OTOGL: variants seen among roughly 807,000 people sequenced by gnomAD.
OTOGL encodes the protein otogelin like.
OTOGL carries 285 observed loss-of-function variants against 318.5 expected under a neutral mutation model. The observed-to-expected ratio is 0.89, with a 90% CI of 0.81 to 0.99. The LOEUF (loss-of-function observed/expected upper bound fraction) is 0.99. Ranked by LOEUF, OTOGL falls within the 50% of genes least tolerant of loss-of-function variation. The pLI is 0.00. For synonymous variants in OTOGL, 987 were observed against 936.5 expected (o/e 1.05, Z -0.99); for missense variants, 2,899 against 2,845.6 (o/e 1.02, Z -0.43).
At chr12:80,241,248 A>G (rs993006858) in intron 11 of OTOGL, among the ~76,000 whole-genome samples, 3 of 152,126 alleles carry the variant, frequency 2.0e-5, no homozygotes, top group Non-Finnish European at 4.4e-5. Context: ...CTTATTTGTG[A>G]CATCTCTTAC....
chr12:80,235,467 CAAAA>C (rs10600987), intron 9 of OTOGL, among the ~76,000 whole-genome samples: 14 of 86,952 alleles, frequency 1.6e-4, no homozygotes, highest in Middle Eastern at 5.1e-3. Context: ...GACTCTGTCT[CAAAA>C]AAAAAAAAAA....
Position 80,194,349 on chromosome 12 carries a change from A to G in OTOGL, c.-19-15064A>G, listed in dbSNP as rs1190558617. Among the ~76,000 whole-genome samples, 3 of 152,188 alleles carry G rather than the reference A, an allele frequency of 2.0e-5. No individual in the cohort carries two copies. In the South Asian group the frequency reaches 6.2e-4, roughly 32 times the overall value. The stretch of plus-strand genomic sequence containing the variant: ...TCCCCTTTTTGCTTAATGCTTGGGC[A>G]GAGTTAGTTTCTTCCGATACTTGCA... On this transcript the variant is annotated intron_variant, in intron 1 of 58. Coordinates refer to ENST00000547103, the MANE Select transcript of OTOGL (RefSeq NM_001378609.3).
intron 34 of OTOGL, among the ~76,000 whole-genome samples, chr12:80,322,412 G>C (rs536359058): frequency 6.6e-6 from 1 of 152,246 alleles, no homozygotes; most frequent in South Asian, 2.1e-4. Context: ...ATCTTTGTGG[G>C]CTTCTGAAAC....
At chr12:80,184,242 A>T (rs1303378402) in intron 1 of OTOGL, among the ~76,000 whole-genome samples, 1 of 152,244 alleles carries the variant, frequency 6.6e-6, no homozygotes, top group African/African-American at 2.4e-5. Flanking sequence ...GCAATGAGTT[A>T]TCAGGCTAGA....
chr12:80,363,702 T>C (rs1301894244), intron 52 of OTOGL, among the ~76,000 whole-genome samples: 2 of 152,144 alleles, frequency 1.3e-5, no homozygotes, highest in African/African-American at 4.8e-5. Flanking sequence ...GTAACCAGCC[T>C]CATTCAGAGC....
At chr12:80,317,952 A>C (rs995776095) in intron 32 of OTOGL, among the ~76,000 whole-genome samples, 145 of 152,098 alleles carry the variant, frequency 9.5e-4, no homozygotes, top group African/African-American at 3.3e-3. Flanking sequence ...CATAGTTTAT[A>C]AGGGTCCCCA....
Position 80,328,727 on chromosome 12 carries a change from G to A in OTOGL, c.4262G>A (p.Cys1421Tyr). ...NMILDEVTLK[C>Y]VYPRDCIPVI... ...ATCCTTGATGAGGTCACCCTCAAGTGTGTTTATCCACGAGACTGTAAGTGT... is the reference window on the plus strand; with the variant it reads ...ATCCTTGATGAGGTCACCCTCAAGTATGTTTATCCACGAGACTGTAAGTGT... Residue 1421 changes from cysteine to tyrosine, a missense_variant, in exon 36 of 59, where the codon TGT (cysteine) becomes TAT (tyrosine). By Grantham distance (194) the Cys-to-Tyr change is radical. Transcript: ENST00000547103. The A allele has an allele frequency of 3.7e-6, 6 of 1,601,568 alleles. No homozygotes were observed. Among genetic ancestry groups the A allele is most frequent in the Non-Finnish European group, 5.1e-6 (6 of 1,168,786 alleles).
chr12:80,348,297 A>G (rs1030149772), intron 44 of OTOGL, among the ~76,000 whole-genome samples: 4 of 152,122 alleles, frequency 2.6e-5, no homozygotes, highest in East Asian at 3.8e-4. Flanking sequence ...TAATTTTTAT[A>G]TAAGGTGTAA....
intron 37 of OTOGL, among the ~76,000 whole-genome samples, chr12:80,329,836 A>G (rs1391038912): frequency 6.6e-6 from 1 of 152,184 alleles, no homozygotes; most frequent in Non-Finnish European, 1.5e-5. Context: ...CTCAGTGAGG[A>G]GATATGATAA....
intron 1 of OTOGL, among the ~76,000 whole-genome samples, chr12:80,122,830 G>A (rs1870565417): frequency 6.6e-6 from 1 of 152,092 alleles, no homozygotes; most frequent in Admixed American, 6.6e-5. Context: ...GTTTCCAAAT[G>A]CAGAAATCTA....
At chr12:80,108,005 A>G (rs1402819678) in intron 1 of OTOGL, among the ~76,000 whole-genome samples, 1 of 152,080 alleles carries the variant, frequency 6.6e-6, no homozygotes, top group African/African-American at 2.4e-5. Flanking sequence ...TACTATGTTT[A>G]TTACCCACAT....
At chr12:80,251,460 A>G (rs532157098) in intron 11 of OTOGL, among the ~76,000 whole-genome samples, 3 of 152,342 alleles carry the variant, frequency 2.0e-5, no homozygotes, top group African/African-American at 7.2e-5. Flanking sequence ...TAAAATTATT[A>G]AAATGCTTTG....
chr12:80,188,287 C>A (rs962766419), intron 1 of OTOGL, among the ~76,000 whole-genome samples: 7 of 152,018 alleles, frequency 4.6e-5, no homozygotes, highest in Non-Finnish European at 1.0e-4. Context: ...TGCCTGTAAT[C>A]CCAGCACTTT....
chr12:80,306,912 T>A (rs1886158180), intron 29 of OTOGL, among the ~76,000 whole-genome samples: 2 of 150,748 alleles, frequency 1.3e-5, no homozygotes, highest in Middle Eastern at 3.4e-3. Context: ...GATAAACAAG[T>A]GAACAAAGGT....
At chr12:80,305,743 TA>T in intron 29 of OTOGL, 48 bp downstream of exon 29, 3 of 1,343,134 alleles carry the variant, frequency 2.2e-6, no homozygotes, top group Non-Finnish European at 2.9e-6. Context: ...TTTTTAAGAA[TA>T]TTTTTTCACT....
chr12:80,211,924 A>G, intron 3 of OTOGL, 25 bp from the exon 4 acceptor site: 1 of 1,544,684 alleles, frequency 6.5e-7, no homozygotes, highest in Non-Finnish European at 8.7e-7. Flanking sequence ...CTTTGACTGT[A>G]CAAGTTCTTT....
intron 1 of OTOGL, 137 bp downstream of exon 1, chr12:80,099,742 G>A: frequency 6.6e-6 from 1 of 152,080 alleles, no homozygotes; most frequent in Non-Finnish European, 1.5e-5. Flanking sequence ...TGCAATACAA[G>A]GTTGGCATAG....
chr12:80,294,278 A>G (rs1042833750), intron 26 of OTOGL, among the ~76,000 whole-genome samples: 1 of 152,090 alleles, frequency 6.6e-6, no homozygotes, highest in Non-Finnish European at 1.5e-5. Context: ...AAGACAAAGC[A>G]TACAAGATAG....
At chr12:80,337,237 A>T (rs916580232) in intron 42 of OTOGL, among the ~76,000 whole-genome samples, 3 of 152,204 alleles carry the variant, frequency 2.0e-5, no homozygotes, top group Admixed American at 2.0e-4. Flanking sequence ...GACCATGTTA[A>T]ATACACTAGC....
Sources: allele counts gnomAD v4.1 joint callset (sites outside exome capture counted in the v4.1 genomes callset), GRCh38; gene constraint gnomAD v4.1.1; transcripts MANE v1.5; gene names NCBI Gene and HGNC (gene_info 2026-07-23, HGNC 2026-07-21).